The following GABBR2 variants were observed in gnomAD, a reference collection of about 807,000 sequenced individuals.
GABBR2 encodes G-protein coupled receptor 51.
A neutral mutation model predicts 105.6 loss-of-function variants in GABBR2; 23 were observed. The observed-to-expected ratio is 0.22, with a 90% CI of 0.16 to 0.31. GABBR2 has a LOEUF of 0.31. Among genes scored for constraint, GABBR2 ranks in the 10% least tolerant of loss-of-function variants. The pLI is 1.00. For synonymous variants in GABBR2, 478 were observed against 499.7 expected (o/e 0.96, Z 0.58); for missense variants, 734 against 1,245.5 (o/e 0.59, Z 6.18).
At chr9:98,690,858 A>G (rs1293793237) in intron 1 of GABBR2, among the ~76,000 whole-genome samples, 3 of 152,206 alleles carry the variant, frequency 2.0e-5, no homozygotes, top group African/African-American at 7.2e-5. Flanking sequence ...GCTGCCCATC[A>G]GCCAGAGGGA....
rs140213576 is a variant in GABBR2, at chr9:98,560,334, C to T, written c.459+17601G>A. On this transcript the variant is annotated intron_variant, in intron 2 of 18. Transcript: ENST00000259455. ...TTTGGACACATTTTCACTGTCCAGCCAAGGAGGACATATTCTTCCTCTCCA... is the reference window on the plus strand; with the variant it reads ...TTTGGACACATTTTCACTGTCCAGCTAAGGAGGACATATTCTTCCTCTCCA... Among the ~76,000 whole-genome samples, 610 of 152,048 alleles carry T rather than the reference C, an allele frequency of 4.0e-3. 5 individuals carry two copies. Among genetic ancestry groups the T allele is most frequent in the African/African-American group, 0.014 (574 of 41,482 alleles).
intron 7 of GABBR2, among the ~76,000 whole-genome samples, chr9:98,410,080 C>A (rs1832558927): frequency 6.6e-6 from 1 of 151,776 alleles, no homozygotes; most frequent in East Asian, 1.9e-4. Context: ...CCAGGGGAGC[C>A]AGGCCAGCTT....
intron 6 of GABBR2, among the ~76,000 whole-genome samples, chr9:98,460,606 T>A (rs1375069073): frequency 6.6e-6 from 1 of 151,820 alleles, no homozygotes; most frequent in Non-Finnish European, 1.5e-5. Flanking sequence ...GACTGAAACA[T>A]AGGGAGAAAA....
chr9:98,604,283 A>G (rs1460057340), intron 1 of GABBR2, among the ~76,000 whole-genome samples: 1 of 152,086 alleles, frequency 6.6e-6, no homozygotes, highest in Non-Finnish European at 1.5e-5. Flanking sequence ...AACCTCCCAC[A>G]CACATCCATT....
chr9:98,376,604 T>C (rs1831878146), intron 11 of GABBR2, among the ~76,000 whole-genome samples: 1 of 151,960 alleles, frequency 6.6e-6, no homozygotes, highest in African/African-American at 2.4e-5. Context: ...AGGCCTGAGG[T>C]CTCCAGGGCC....
intron 1 of GABBR2, among the ~76,000 whole-genome samples, chr9:98,678,100 A>G (rs1418309152): frequency 6.6e-6 from 1 of 152,124 alleles, no homozygotes; most frequent in Non-Finnish European, 1.5e-5. Flanking sequence ...CCCACTGTCT[A>G]CAACCTATAA....
intron 13 of GABBR2, among the ~76,000 whole-genome samples, chr9:98,334,695 C>A (rs764629538): frequency 6.6e-6 from 1 of 152,172 alleles, no homozygotes; most frequent in Non-Finnish European, 1.5e-5. Context: ...CAGCAATGAT[C>A]GTGTTTCTTC....
rs533964761 is a variant in GABBR2 at position 98,449,365 on chromosome 9, T to C, written c.1236+4616A>G. On this transcript the variant is annotated intron_variant, in intron 7 of 18. Transcript: ENST00000259455. ...AGGGACCGTATGTTATTCCTCTCTATACTCCATACACCCAGTGCGGGGCTT... is the reference window on the plus strand; with the variant it reads ...AGGGACCGTATGTTATTCCTCTCTACACTCCATACACCCAGTGCGGGGCTT... Among the ~76,000 whole-genome samples the C allele has an allele frequency of 2.6e-5, 4 of 152,260 alleles. No homozygotes were observed. In the East Asian group the frequency reaches 7.7e-4, roughly 29 times the overall value.
At chr9:98,492,639 T>A (rs1393145955) in intron 4 of GABBR2, among the ~76,000 whole-genome samples, 3 of 152,200 alleles carry the variant, frequency 2.0e-5, no homozygotes, top group African/African-American at 7.2e-5. Context: ...CTTCAGCTCC[T>A]TTTGGCTAAG....
At chr9:98,344,100 C>T (rs1831262277) in intron 13 of GABBR2, among the ~76,000 whole-genome samples, 1 of 152,090 alleles carries the variant, frequency 6.6e-6, no homozygotes, top group African/African-American at 2.4e-5. Context: ...CCCACCTTTC[C>T]AGTCTCCAAA....
intron 13 of GABBR2, among the ~76,000 whole-genome samples, chr9:98,318,896 T>TGTGTGC (rs1408037573): frequency 7.6e-6 from 1 of 131,342 alleles, no homozygotes; most frequent in Admixed American, 7.8e-5. Context: ...TGAGTTTGTG[T>TGTGTGC]GTGTGTGTGT....
chr9:98,531,536 T>G (rs1295463491), intron 3 of GABBR2, among the ~76,000 whole-genome samples: 2 of 150,948 alleles, frequency 1.3e-5, no homozygotes, highest in African/African-American at 5.0e-5. Flanking sequence ...GCTCCAGATG[T>G]GCACACACTG....
intron 1 of GABBR2, among the ~76,000 whole-genome samples, chr9:98,626,514 G>A (rs1021901422): frequency 1.1e-4 from 16 of 152,116 alleles, no homozygotes; most frequent in African/African-American, 3.6e-4. Flanking sequence ...AAGAGCCTGG[G>A]TCAAATCCTG....
chr9:98,496,545 G>A, intron 3 of GABBR2, 31 bp from the exon 4 acceptor site: 4 of 1,477,444 alleles, frequency 2.7e-6, no homozygotes, highest in Non-Finnish European at 3.8e-6. Flanking sequence ...GAGGGTGGGT[G>A]TGCTGGGGAC....
intron 8 of GABBR2, among the ~76,000 whole-genome samples, chr9:98,405,037 C>T (rs1031764287): frequency 6.6e-6 from 1 of 152,008 alleles, no homozygotes; most frequent in Non-Finnish European, 1.5e-5. Context: ...ATTATAAAAC[C>T]TCCCTATCCA....
intron 3 of GABBR2, among the ~76,000 whole-genome samples, chr9:98,508,338 G>A (rs564587886): frequency 8.5e-5 from 13 of 152,350 alleles, no homozygotes; most frequent in Admixed American, 4.6e-4. Context: ...CAGCGTGAGC[G>A]ATGCAGAAGA....
At chr9:98,336,140 A>G (rs1322051930) in intron 13 of GABBR2, among the ~76,000 whole-genome samples, 1 of 152,218 alleles carries the variant, frequency 6.6e-6, no homozygotes, top group East Asian at 1.9e-4. Context: ...GAATGACAGG[A>G]AAGAGTCTGA....
intron 12 of GABBR2, among the ~76,000 whole-genome samples, chr9:98,368,430 TC>T (rs1169598031): frequency 6.6e-6 from 1 of 152,104 alleles, no homozygotes; most frequent in Non-Finnish European, 1.5e-5. Context: ...GCCTGAGCTC[TC>T]AGAGTTGGCC....
At chr9:98,533,956 T>G (rs1275894650) in intron 3 of GABBR2, among the ~76,000 whole-genome samples, 1 of 152,118 alleles carries the variant, frequency 6.6e-6, no homozygotes, top group Non-Finnish European at 1.5e-5. Context: ...AGGATGATGA[T>G]TCTAACAAGG....
Sources: gnomAD v4.1 joint callset for allele counts (sites outside exome capture counted in the v4.1 genomes callset) on GRCh38, gnomAD v4.1.1 for gene constraint, MANE v1.5 for transcripts, NCBI Gene and HGNC (gene_info 2026-07-23, HGNC 2026-07-21) for gene names.